The following RIT2 variants were observed in gnomAD, a reference collection of about 807,000 sequenced individuals.
RIT2 encodes Ras like without CAAX 2, also known as GTP-binding protein Rit2.
Under a neutral mutation model 23.7 loss-of-function variants are expected in RIT2, and 24 were observed. The ratio of observed to expected loss-of-function variants is 1.01; its 90% CI spans 0.73 to 1.43. RIT2 has a LOEUF of 1.43. Ranked by LOEUF, RIT2 falls within the 40% of genes most tolerant of loss-of-function variation. RIT2 has a pLI of 0.00. For synonymous variants in RIT2, 107 were observed against 91.1 expected (o/e 1.17, Z -0.99); for missense variants, 236 against 266.9 (o/e 0.88, Z 0.81).
chr18:42,960,040 G>A (rs1910060193), intron 3 of RIT2, among the ~76,000 whole-genome samples: 1 of 152,162 alleles, frequency 6.6e-6, no homozygotes, highest in Non-Finnish European at 1.5e-5. Flanking sequence ...CAAATAGTCA[G>A]AAATTTCAAC....
intron 4 of RIT2, among the ~76,000 whole-genome samples, chr18:42,836,815 GT>G (rs1242197506): frequency 6.6e-6 from 1 of 152,146 alleles, no homozygotes; most frequent in African/African-American, 2.4e-5. Context: ...GTACATCACA[GT>G]TTTTAAGATG....
intron 4 of RIT2, among the ~76,000 whole-genome samples, chr18:42,874,131 G>A (rs760044534): frequency 4.3e-4 from 65 of 152,144 alleles, no homozygotes; most frequent in Admixed American, 2.5e-3. Flanking sequence ...AAACCTTGGA[G>A]AGGCTTAAAC....
intron 3 of RIT2, among the ~76,000 whole-genome samples, chr18:42,938,712 TAATAAAA>T (rs1909521674): frequency 6.6e-6 from 1 of 152,174 alleles, no homozygotes. Flanking sequence ...GAATTATTAG[TAATAAAA>T]TTATTGATAT....
At chr18:43,030,041 T>C (rs1911818870) in intron 2 of RIT2, among the ~76,000 whole-genome samples, 1 of 152,096 alleles carries the variant, frequency 6.6e-6, no homozygotes, top group Non-Finnish European at 1.5e-5. Flanking sequence ...ATGAATATTT[T>C]ATATCATCTG....
At chr18:42,907,671 C>T (rs1328459341) in intron 4 of RIT2, among the ~76,000 whole-genome samples, 1 of 152,102 alleles carries the variant, frequency 6.6e-6, no homozygotes, top group Non-Finnish European at 1.5e-5. Context: ...AGACTATCCA[C>T]AGGTTGAAAT....
intron 2 of RIT2, among the ~76,000 whole-genome samples, chr18:42,982,509 A>G (rs1910619932): frequency 6.6e-6 from 1 of 152,130 alleles, no homozygotes; most frequent in Admixed American, 6.6e-5. Context: ...TCCACTCCTT[A>G]TCATCTTGAC....
chr18:42,775,858 C>CAT (rs1159704369), intron 4 of RIT2, among the ~76,000 whole-genome samples: 2 of 96,838 alleles, frequency 2.1e-5, no homozygotes, highest in African/African-American at 5.6e-5. Context: ...AACACACACA[C>CAT]ATACACACAC....
intron 4 of RIT2, among the ~76,000 whole-genome samples, chr18:42,916,437 T>C (rs1272736502): frequency 5.9e-5 from 9 of 152,102 alleles, no homozygotes. Context: ...TTTCAGTTAT[T>C]AAAGAATTGC....
At chr18:42,952,946 GTT>G (rs397932968) in intron 3 of RIT2, among the ~76,000 whole-genome samples, 1 of 143,686 alleles carries the variant, frequency 7.0e-6, no homozygotes, top group African/African-American at 2.5e-5. Context: ...CTCCTGAGGT[GTT>G]TTTTTTTTTC....
At chr18:42,862,284 C>T (rs1252325259) in intron 4 of RIT2, among the ~76,000 whole-genome samples, 1 of 152,078 alleles carries the variant, frequency 6.6e-6, no homozygotes, top group Non-Finnish European at 1.5e-5. Context: ...CTCCTGCCAC[C>T]ACGTGAAGAA....
Position 42,743,662 on chromosome 18 carries a change from G to T in RIT2, c.485C>A (p.Thr162Asn). Residue 162 changes from threonine to asparagine, a missense_variant, in exon 5 of 5, where the codon ACC (threonine) becomes AAC (asparagine). Coordinates refer to ENST00000326695, the MANE Select transcript of RIT2 (RefSeq NM_002930.4). ...AATACAGAATCTGAGGGCTGCAGAG[G>T]TCTCAAAAAAACCACAATTATATTC... ...AQEYNCGFFE[T>N]SAALRFCIDD... 2 of 1,613,904 alleles carry T rather than the reference G, an allele frequency of 1.2e-6. No individual in the cohort carries two copies. Among genetic ancestry groups the T allele is most frequent in the Non-Finnish European group, 1.7e-6 (2 of 1,179,964 alleles).
At chr18:42,935,860 C>T (rs1466280962) in intron 3 of RIT2, among the ~76,000 whole-genome samples, 1 of 151,970 alleles carries the variant, frequency 6.6e-6, no homozygotes, top group Non-Finnish European at 1.5e-5. Flanking sequence ...TTTTGAGGTC[C>T]GGATTGGCTA....
chr18:43,036,881 C>G, intron 1 of RIT2, among the ~76,000 whole-genome samples: 1 of 152,138 alleles, frequency 6.6e-6, no homozygotes. Flanking sequence ...AAAATCTCTC[C>G]TAAGTACCTA....
At chr18:42,901,936 A>C (rs1352759890) in intron 4 of RIT2, among the ~76,000 whole-genome samples, 3 of 151,920 alleles carry the variant, frequency 2.0e-5, no homozygotes, top group Non-Finnish European at 4.4e-5. Context: ...TTTAACCAAA[A>C]CATGTTTATT....
chr18:42,987,585 G>T (rs1277422645), intron 2 of RIT2, among the ~76,000 whole-genome samples: 2 of 152,208 alleles, frequency 1.3e-5, no homozygotes, highest in South Asian at 2.1e-4. Flanking sequence ...TTACACATGT[G>T]TGGGAAAGGC....
chr18:42,956,747 C>CA (rs1343839925), intron 3 of RIT2, among the ~76,000 whole-genome samples: 2 of 151,930 alleles, frequency 1.3e-5, no homozygotes, highest in African/African-American at 4.8e-5. Context: ...AAATTACATC[C>CA]AAAAAAACTC....
chr18:42,845,638 A>G (rs773934842), intron 4 of RIT2, among the ~76,000 whole-genome samples: 9 of 149,712 alleles, frequency 6.0e-5, no homozygotes, highest in Non-Finnish European at 1.0e-4. Flanking sequence ...CAAATAATTT[A>G]AATTATAATA....
chr18:42,755,038 C>A (rs1165745366), intron 4 of RIT2, among the ~76,000 whole-genome samples: 2 of 152,018 alleles, frequency 1.3e-5, no homozygotes, highest in African/African-American at 4.8e-5. Flanking sequence ...TCATAAAATT[C>A]TCCTTCATAG....
At chr18:42,872,354 C>T (rs1176530648) in intron 4 of RIT2, among the ~76,000 whole-genome samples, 1 of 152,142 alleles carries the variant, frequency 6.6e-6, no homozygotes, top group Non-Finnish European at 1.5e-5. Context: ...GGTTAATCTA[C>T]ACTGTAGACC....
Sources: allele counts gnomAD v4.1 joint callset (sites outside exome capture counted in the v4.1 genomes callset), GRCh38; gene constraint gnomAD v4.1.1; transcripts MANE v1.5; gene names NCBI Gene and HGNC (gene_info 2026-07-23, HGNC 2026-07-21).